Variants in VPS8 observed in about 807,000 individuals in gnomAD.
VPS8 encodes vacuolar protein sorting-associated protein 8 homolog.
VPS8 carries 129 observed loss-of-function variants against 216.4 expected under a neutral mutation model. The ratio of observed to expected loss-of-function variants is 0.60; its 90% CI spans 0.52 to 0.69. The LOEUF (loss-of-function observed/expected upper bound fraction) is 0.69, where lower values mean the gene tolerates loss of function less well. Ranked by LOEUF, VPS8 falls within the 30% of genes least tolerant of loss-of-function variation. The pLI is 0.00. For missense variants in VPS8, 1,531 were observed against 1,683.5 expected (o/e 0.91, Z 1.59); for synonymous variants, 571 against 565.4 (o/e 1.01, Z -0.14).
At chr3:184,865,207 T>TA (rs1274316225) in intron 16 of VPS8, among the ~76,000 whole-genome samples, 1 of 152,186 alleles carries the variant, frequency 6.6e-6, no homozygotes, top group Non-Finnish European at 1.5e-5. Flanking sequence ...TACGTGCAGT[T>TA]AAAATCTCTA....
intron 42 of VPS8, among the ~76,000 whole-genome samples, chr3:184,983,748 T>G (rs1026261441): frequency 1.1e-4 from 16 of 152,182 alleles, no homozygotes; most frequent in Non-Finnish European, 2.2e-4. Flanking sequence ...ATCCTCACTT[T>G]ATTCAGTATA....
At chr3:184,842,111 C>T (rs558648879) in intron 7 of VPS8, among the ~76,000 whole-genome samples, 2 of 139,046 alleles carry the variant, frequency 1.4e-5, no homozygotes, top group Admixed American at 7.8e-5. Context: ...GGCGTGAACC[C>T]GGGAGGCGGA....
chr3:184,831,694 G>A (rs558225548), intron 3 of VPS8, among the ~76,000 whole-genome samples: 21 of 152,174 alleles, frequency 1.4e-4, no homozygotes, highest in African/African-American at 5.1e-4. Context: ...CCTCCCATCC[G>A]TACTCCTACT....
intron 36 of VPS8, among the ~76,000 whole-genome samples, chr3:184,941,795 A>G (rs533227499): frequency 9.0e-4 from 137 of 152,156 alleles, no homozygotes; most frequent in Admixed American, 1.6e-3. Flanking sequence ...TTCCTCTGCT[A>G]TCCTACCTGG....
chr3:184,856,354 A>G (rs942377640), intron 14 of VPS8, among the ~76,000 whole-genome samples: 3 of 152,252 alleles, frequency 2.0e-5, no homozygotes, highest in African/African-American at 7.2e-5. Flanking sequence ...AGTGATTAGT[A>G]TGGACTAGAG....
chr3:184,930,700 A>G (rs953085349), intron 34 of VPS8, 132 bp downstream of exon 34: 1 of 635,658 alleles, frequency 1.6e-6, no homozygotes, highest in Non-Finnish European at 2.8e-6. Context: ...TTTTCGTGTA[A>G]TTATTCTACC....
intron 1 of VPS8, 28 bp from the exon 2 acceptor site, chr3:184,824,516 TG>T (rs1718292935): frequency 4.6e-6 from 5 of 1,098,482 alleles, no homozygotes; most frequent in Non-Finnish European, 6.5e-6. Context: ...TGTTTTGTTT[TG>T]TTTTTGTTTT....
At chr3:184,856,377 G>A (rs369458990) in intron 14 of VPS8, among the ~76,000 whole-genome samples, 18 of 152,170 alleles carry the variant, frequency 1.2e-4, no homozygotes, top group East Asian at 9.6e-4. Flanking sequence ...AGTATTAATG[G>A]CTTTATGAAG....
chr3:184,918,731 A>G (rs1324074764), intron 28 of VPS8, among the ~76,000 whole-genome samples: 1 of 152,176 alleles, frequency 6.6e-6, no homozygotes, highest in Non-Finnish European at 1.5e-5. Context: ...TTTTAGTTGA[A>G]TAGCATTTAT....
At chr3:185,018,967 A>AG (rs1427317515) in intron 45 of VPS8, among the ~76,000 whole-genome samples, 1 of 152,148 alleles carries the variant, frequency 6.6e-6, no homozygotes, top group Non-Finnish European at 1.5e-5. Context: ...CAAAATAATG[A>AG]GGGGGTGTAG....
intron 1 of VPS8, among the ~76,000 whole-genome samples, chr3:184,820,342 A>T (rs563642683): frequency 6.6e-6 from 1 of 152,246 alleles, no homozygotes; most frequent in South Asian, 2.1e-4. Context: ...CTCCGTGTTC[A>T]ACGCCTGTGA....
intron 36 of VPS8, among the ~76,000 whole-genome samples, chr3:184,947,313 C>T (rs1008044277): frequency 5.3e-5 from 8 of 152,026 alleles, no homozygotes; most frequent in Non-Finnish European, 1.2e-4. Flanking sequence ...TTGAAACTTT[C>T]CTTTCAGAAA....
At chr3:184,917,287 A>T (rs547197355) in intron 28 of VPS8, among the ~76,000 whole-genome samples, 154 of 152,358 alleles carry the variant, frequency 1.0e-3, no homozygotes, top group Non-Finnish European at 1.8e-3. Context: ...ATTGAAAAAA[A>T]TTCAATATAG....
chr3:184,887,463 ATTAAT>A (rs1443658752), intron 22 of VPS8, among the ~76,000 whole-genome samples: 7 of 151,232 alleles, frequency 4.6e-5, no homozygotes, highest in Admixed American at 4.0e-4. Context: ...AACGCTTTAC[ATTAAT>A]TTATCTAATT....
In VPS8 at chr3:185,015,832, A is replaced by C. The variant is rs570843761; in HGVS notation, c.4003-8504A>C. On this transcript the variant is annotated intron_variant, in intron 45 of 47. Coordinates refer to ENST00000625842, the MANE Select transcript of VPS8 (RefSeq NM_001009921.3). ...AATCCGAGTTCTCCCATTTCCTATC[A>C]TAGTAGCAATTTGATCCAAATAAGG... Among the ~76,000 whole-genome samples the C allele has an allele frequency of 2.0e-5, 3 of 152,306 alleles. No homozygotes were observed. In the South Asian group the frequency reaches 6.2e-4, roughly 32 times the overall value.
intron 17 of VPS8, 70 bp from the exon 18 acceptor site, chr3:184,867,954 A>C (rs774045997): frequency 3.4e-5 from 51 of 1,520,158 alleles, no homozygotes; most frequent in Non-Finnish European, 4.5e-5. Context: ...ATGTGGGACT[A>C]GGACAAATGT....
intron 46 of VPS8, among the ~76,000 whole-genome samples, chr3:185,047,442 G>C (rs908424986): frequency 3.3e-5 from 5 of 152,210 alleles, no homozygotes; most frequent in African/African-American, 1.2e-4. Context: ...GCTAAAGCCA[G>C]GGTTTGGGCT....
At chr3:185,041,192 C>T (rs1409724208) in intron 46 of VPS8, among the ~76,000 whole-genome samples, 4 of 150,154 alleles carry the variant, frequency 2.7e-5, no homozygotes, top group African/African-American at 4.9e-5. Flanking sequence ...GCAACAAGAG[C>T]GAAACTCCAT....
chr3:184,875,049 T>C (rs2108801504), intron 21 of VPS8, among the ~76,000 whole-genome samples: 1 of 147,816 alleles, frequency 6.8e-6, no homozygotes, highest in Non-Finnish European at 1.5e-5. Flanking sequence ...TGGAAGTGTT[T>C]TTAAAACTTT....
Sources: allele counts gnomAD v4.1 joint callset (sites outside exome capture counted in the v4.1 genomes callset), GRCh38; gene constraint gnomAD v4.1.1; transcripts MANE v1.5; gene names NCBI Gene and HGNC (gene_info 2026-07-23, HGNC 2026-07-21).